Variants in INPP4B observed in about 807,000 individuals in gnomAD.
INPP4B encodes inositol polyphosphate-4-phosphatase type II B.
Under a neutral mutation model 122.5 loss-of-function variants are expected in INPP4B, and 55 were observed. The observed-to-expected ratio is 0.45, with a 90% CI of 0.36 to 0.56. The LOEUF is 0.56. INPP4B is among the 20% of genes least tolerant of loss of function. The pLI is 0.00. For missense variants in INPP4B, 1,000 were observed against 1,097.7 expected, an observed-to-expected ratio of 0.91 and a Z score of 1.26; for synonymous variants, 403 against 388.7, an observed-to-expected ratio of 1.04 and a Z score of -0.43.
At chr4:142,266,386 A>ACAGAGAAGAACAAGGTTTAGGGTAG (rs1742834867) in intron 10 of INPP4B, among the ~76,000 whole-genome samples, 1 of 152,200 alleles carries the variant, frequency 6.6e-6, no homozygotes, top group Non-Finnish European at 1.5e-5. Context: ...AGGGAGAGTA[A>ACAGAGAAGAACAAGGTTTAGGGTAG]CAGAGAAGAA....
intron 2 of INPP4B, among the ~76,000 whole-genome samples, chr4:142,592,237 G>A (rs1036196282): frequency 6.6e-5 from 10 of 152,198 alleles, no homozygotes; most frequent in African/African-American, 2.4e-4. Flanking sequence ...GCCCAAGAAT[G>A]TAGGTGTGTA....
intron 1 of INPP4B, among the ~76,000 whole-genome samples, chr4:142,738,983 G>A (rs1767491853): frequency 6.6e-6 from 1 of 152,044 alleles, no homozygotes; most frequent in Non-Finnish European, 1.5e-5. Flanking sequence ...AAGCTGTCCT[G>A]AAGAAGTTCC....
chr4:142,806,786 GGAAAGAAAGAAAGAAAGAAAGAAAGAAA>G (rs60845921), intron 1 of INPP4B, among the ~76,000 whole-genome samples: 4 of 75,948 alleles, frequency 5.3e-5, no homozygotes, highest in Admixed American at 1.5e-4. Context: ...AAAGAAAGAA[GGAAAGAAAGAAAGAAAGAAAGAAAGAAA>G]GAAAGAAAGA....
intron 1 of INPP4B, among the ~76,000 whole-genome samples, chr4:142,770,741 T>A (rs1772918231): frequency 6.6e-6 from 1 of 152,106 alleles, no homozygotes; most frequent in African/African-American, 2.4e-5. Flanking sequence ...CATGCCTCCA[T>A]CTGTGCCGCA....
chr4:142,117,910 A>G (rs1794525188), intron 21 of INPP4B, among the ~76,000 whole-genome samples: 1 of 152,174 alleles, frequency 6.6e-6, no homozygotes, highest in African/African-American at 2.4e-5. Flanking sequence ...TCTAAGCCCA[A>G]AATTTCCTTA....
intron 2 of INPP4B, among the ~76,000 whole-genome samples, chr4:142,471,791 C>A (rs1293268628): frequency 2.0e-5 from 3 of 147,734 alleles, no homozygotes; most frequent in Non-Finnish European, 4.5e-5. Flanking sequence ...CACCCGCAAT[C>A]CAAGCCTGAG....
At chr4:142,833,841 G>T (rs1782458946) in intron 1 of INPP4B, among the ~76,000 whole-genome samples, 1 of 152,106 alleles carries the variant, frequency 6.6e-6, no homozygotes, top group Admixed American at 6.6e-5. Flanking sequence ...TTCCTATTTA[G>T]ATGAGCCCAA....
intron 7 of INPP4B, among the ~76,000 whole-genome samples, chr4:142,330,094 C>A (rs1408086483): frequency 1.3e-5 from 2 of 152,166 alleles, no homozygotes; most frequent in Non-Finnish European, 2.9e-5. Flanking sequence ...GCTCTTCTGG[C>A]AGGCACTTGT....
At chr4:142,634,924 T>C (rs951134383) in intron 2 of INPP4B, among the ~76,000 whole-genome samples, 1 of 152,108 alleles carries the variant, frequency 6.6e-6, no homozygotes, top group Non-Finnish European at 1.5e-5. Flanking sequence ...AAAGATTCTA[T>C]GATGCATGAA....
chr4:142,675,587 G>A (rs553754874), intron 2 of INPP4B, among the ~76,000 whole-genome samples: 4 of 151,968 alleles, frequency 2.6e-5, no homozygotes, highest in East Asian at 1.9e-4. Context: ...ACATCAATGC[G>A]AAAATCCTCA....
At chr4:142,718,606 G>A (rs572449506) in intron 2 of INPP4B, among the ~76,000 whole-genome samples, 1 of 152,252 alleles carries the variant, frequency 6.6e-6, no homozygotes. Context: ...CTTTCTCATG[G>A]CATAGGTAGT....
intron 25 of INPP4B, among the ~76,000 whole-genome samples, chr4:142,042,061 C>G (rs551993224): frequency 1.1e-4 from 17 of 152,102 alleles, no homozygotes; most frequent in African/African-American, 3.1e-4. Context: ...CATAGCCATC[C>G]ATCAGCAAGT....
At chr4:142,314,113 G>T (rs1766580035) in intron 8 of INPP4B, among the ~76,000 whole-genome samples, 1 of 152,170 alleles carries the variant, frequency 6.6e-6, no homozygotes, top group Non-Finnish European at 1.5e-5. Context: ...CAGGGATTCA[G>T]CCTGTGGGCT....
At chr4:142,608,493 T>C (rs1394077533) in intron 2 of INPP4B, among the ~76,000 whole-genome samples, 1 of 152,190 alleles carries the variant, frequency 6.6e-6, no homozygotes, top group Non-Finnish European at 1.5e-5. Context: ...TACCCTATAA[T>C]CTTCCACCCA....
intron 2 of INPP4B, among the ~76,000 whole-genome samples, chr4:142,604,614 T>G (rs1740811356): frequency 6.6e-6 from 1 of 151,754 alleles, no homozygotes; most frequent in Admixed American, 6.6e-5. Context: ...AAGAAAATAA[T>G]CCCATATATA....
chr4:142,842,368 G>T (rs2151215289), intron 1 of INPP4B, among the ~76,000 whole-genome samples: 1 of 150,690 alleles, frequency 6.6e-6, no homozygotes, highest in Middle Eastern at 3.4e-3. Context: ...GCTAATGTTT[G>T]GTGAAATTAC....
At chr4:142,806,110 T>C (rs1778659579) in intron 1 of INPP4B, among the ~76,000 whole-genome samples, 1 of 151,922 alleles carries the variant, frequency 6.6e-6, no homozygotes, top group Non-Finnish European at 1.5e-5. Context: ...AAACCCCGTC[T>C]GTACTAAAAA....
intron 2 of INPP4B, among the ~76,000 whole-genome samples, chr4:142,585,269 T>G (rs1011265315): frequency 6.6e-6 from 1 of 152,196 alleles, no homozygotes; most frequent in Admixed American, 6.6e-5. Context: ...CTTTGTTTTG[T>G]TTTTTAGTTA....
At chr4:142,113,599 G>C (rs1414039118) in intron 21 of INPP4B, among the ~76,000 whole-genome samples, 2 of 151,908 alleles carry the variant, frequency 1.3e-5, no homozygotes. Flanking sequence ...TAGAGACCTG[G>C]TAAATATCAT....
Sources: gnomAD v4.1 joint callset for allele counts (sites outside exome capture counted in the v4.1 genomes callset) on GRCh38, gnomAD v4.1.1 for gene constraint, MANE v1.5 for transcripts, NCBI Gene and HGNC (gene_info 2026-07-23, HGNC 2026-07-21) for gene names.